LRP1B: variants seen among roughly 807,000 people sequenced by gnomAD.
The protein encoded by LRP1B is LDL receptor related protein 1B.
Under a neutral mutation model 556.6 loss-of-function variants are expected in LRP1B, and 217 were observed. The observed-to-expected ratio is 0.39, with a 90% CI of 0.35 to 0.44. LRP1B has a LOEUF of 0.44. LRP1B is among the 20% of genes least tolerant of loss of function. LRP1B has a pLI of 1.00. For missense variants in LRP1B, 5,053 were observed against 5,620.8 expected (o/e 0.90, Z 3.23); for synonymous variants, 2,047 against 1,865.8 (o/e 1.10, Z -2.50).
chr2:140,560,360 C>T (rs570604390), intron 43 of LRP1B, among the ~76,000 whole-genome samples: 4 of 152,166 alleles, frequency 2.6e-5, no homozygotes, highest in South Asian at 4.2e-4. Flanking sequence ...TGAAAAAGAT[C>T]TGTAGATTAA....
chr2:141,971,133 C>T (rs1192664453), intron 1 of LRP1B, among the ~76,000 whole-genome samples: 4 of 151,414 alleles, frequency 2.6e-5, no homozygotes, highest in Non-Finnish European at 5.9e-5. Flanking sequence ...TGGAGCAATA[C>T]AATGCAAGAA....
intron 1 of LRP1B, among the ~76,000 whole-genome samples, chr2:141,911,874 C>T (rs997309374): frequency 6.6e-6 from 1 of 152,052 alleles, no homozygotes; most frequent in African/African-American, 2.4e-5. Flanking sequence ...TTTGTATGTG[C>T]TACTGCCACC....
intron 3 of LRP1B, among the ~76,000 whole-genome samples, chr2:141,385,937 T>C (rs1033446772): frequency 1.3e-5 from 2 of 152,280 alleles, no homozygotes; most frequent in Non-Finnish European, 2.9e-5. Flanking sequence ...TTTTTTACTG[T>C]TAAGTAATTA....
intron 3 of LRP1B, among the ~76,000 whole-genome samples, chr2:141,403,288 A>G (rs1690511146): frequency 6.6e-6 from 1 of 152,140 alleles, no homozygotes; most frequent in South Asian, 2.1e-4. Context: ...TAAAATTATC[A>G]GTTTCTATTT....
At chr2:140,293,079 T>C (rs1327542486) in intron 84 of LRP1B, among the ~76,000 whole-genome samples, 1 of 152,144 alleles carries the variant, frequency 6.6e-6, no homozygotes, top group Non-Finnish European at 1.5e-5. Context: ...CTAGTTCTAA[T>C]TGAAATTATA....
At chr2:140,782,558 T>C (rs1689736707) in intron 32 of LRP1B, among the ~76,000 whole-genome samples, 1 of 152,150 alleles carries the variant, frequency 6.6e-6, no homozygotes, top group African/African-American at 2.4e-5. Context: ...AACCAACTTC[T>C]GTCAAGCCAT....
intron 7 of LRP1B, among the ~76,000 whole-genome samples, chr2:141,086,618 TTGTGTGTGTGTGTGTGTGTGTG>T (rs10608029): frequency 6.8e-6 from 1 of 148,080 alleles, no homozygotes; most frequent in Admixed American, 6.8e-5. Flanking sequence ...AGTATAATAT[TTGTGTGTGTGTGTGTGTGTGTG>T]TGTGTGTGTG....
chr2:141,977,266 C>T (rs1975248), intron 1 of LRP1B, among the ~76,000 whole-genome samples: 81,361 of 151,926 alleles, frequency 0.54, 22,145 homozygotes, highest in Middle Eastern at 0.68. Flanking sequence ...TAATCCAGAT[C>T]GCTAAACCAT....
chr2:141,448,078 C>G (rs1050910161), intron 3 of LRP1B, among the ~76,000 whole-genome samples: 1 of 152,240 alleles, frequency 6.6e-6, no homozygotes, highest in Non-Finnish European at 1.5e-5. Flanking sequence ...AAGATCCTGA[C>G]TGGGGCTGCT....
intron 2 of LRP1B, among the ~76,000 whole-genome samples, chr2:141,634,773 G>A (rs1351597267): frequency 2.0e-5 from 3 of 151,900 alleles, no homozygotes; most frequent in Non-Finnish European, 4.4e-5. Context: ...CAGGATTTTA[G>A]TGGTGTAATT....
chr2:142,126,974 A>G (rs149488209), intron 1 of LRP1B, among the ~76,000 whole-genome samples: 284 of 151,960 alleles, frequency 1.9e-3, no homozygotes, highest in Middle Eastern at 0.01. Context: ...CAAACTAAGT[A>G]TTTCTGCATA....
intron 1 of LRP1B, among the ~76,000 whole-genome samples, chr2:142,101,587 G>T (rs1036553834): frequency 2.0e-5 from 3 of 151,948 alleles, no homozygotes; most frequent in African/African-American, 4.8e-5. Context: ...GGTAGACATA[G>T]ATTGGAAGTT....
At chr2:141,377,174 T>C (rs1010668353) in intron 3 of LRP1B, among the ~76,000 whole-genome samples, 25 of 152,160 alleles carry the variant, frequency 1.6e-4, no homozygotes, top group African/African-American at 5.5e-4. Context: ...TTACATTCTA[T>C]ATCTTCTTCA....
chr2:140,492,945 A>C (rs553611823), intron 56 of LRP1B, among the ~76,000 whole-genome samples: 1 of 152,328 alleles, frequency 6.6e-6, no homozygotes, highest in Admixed American at 6.5e-5. Context: ...CTTGACATTC[A>C]GATAATTTAT....
At chr2:140,765,385 A>T (rs1355220879) in intron 35 of LRP1B, among the ~76,000 whole-genome samples, 1 of 152,190 alleles carries the variant, frequency 6.6e-6, no homozygotes, top group Non-Finnish European at 1.5e-5. Context: ...GGGAGAACTG[A>T]ATATTGAATA....
intron 10 of LRP1B, among the ~76,000 whole-genome samples, chr2:141,053,172 T>A (rs1023743693): frequency 6.6e-6 from 1 of 151,990 alleles, no homozygotes; most frequent in Non-Finnish European, 1.5e-5. Flanking sequence ...AAAATACATT[T>A]CACAGACACT....
intron 2 of LRP1B, among the ~76,000 whole-genome samples, chr2:141,578,257 G>A (rs763309425): frequency 1.2e-4 from 18 of 151,984 alleles, no homozygotes; most frequent in South Asian, 1.0e-3. Flanking sequence ...TTAGCTGGGC[G>A]TGGTGGCACA....
rs181822704 is a variant in LRP1B, at chr2:140,726,683, A to C, written c.5759-9867T>G. On this transcript the variant is annotated intron_variant, in intron 35 of 90. Coordinates refer to ENST00000389484, the MANE Select transcript of LRP1B (RefSeq NM_018557.3). ...GATTTTCTTCTTTTAAATTATATAGATATTGTGAGCTCTGAAGTTGGTCAT... is the reference window on the plus strand; with the variant it reads ...GATTTTCTTCTTTTAAATTATATAGCTATTGTGAGCTCTGAAGTTGGTCAT... Among the ~76,000 whole-genome samples the C allele has an allele frequency of 1.8e-4, 28 of 152,292 alleles. No individual in the cohort carries two copies. In the East Asian group the frequency reaches 2.3e-3, roughly 13 times the overall value.
chr2:142,057,346 G>A (rs1049980521), intron 1 of LRP1B, among the ~76,000 whole-genome samples: 2 of 152,128 alleles, frequency 1.3e-5, no homozygotes, highest in African/African-American at 2.4e-5. Context: ...AATCAGCAGA[G>A]TGTATCTCAG....
Sources: gnomAD v4.1 joint callset for allele counts (sites outside exome capture counted in the v4.1 genomes callset) on GRCh38, gnomAD v4.1.1 for gene constraint, MANE v1.5 for transcripts, NCBI Gene and HGNC (gene_info 2026-07-23, HGNC 2026-07-21) for gene names.